The following RBFOX2 variants were observed in gnomAD, a reference collection of about 807,000 sequenced individuals.
RBFOX2 encodes RNA binding fox-1 homolog 2.
RBFOX2 carries 10 observed loss-of-function variants against 49.1 expected under a neutral mutation model. The observed-to-expected ratio is 0.20, with a 90% CI of 0.13 to 0.35. RBFOX2 has a LOEUF of 0.35. RBFOX2 is among the 10% of genes least tolerant of loss of function. RBFOX2 has a pLI of 1.00. For missense variants in RBFOX2, 323 were observed against 486.9 expected (o/e 0.66, Z 3.17); for synonymous variants, 183 against 187.4 (o/e 0.98, Z 0.19).
chr22:35,780,207 C>A (rs554538861), intron 3 of RBFOX2, among the ~76,000 whole-genome samples: 1 of 152,146 alleles, frequency 6.6e-6, no homozygotes, highest in Admixed American at 6.5e-5. Flanking sequence ...CTCTTTAGTG[C>A]GGAAAATACA....
intron 1 of RBFOX2, among the ~76,000 whole-genome samples, chr22:35,920,257 A>G (rs79988284): frequency 0.046 from 7,079 of 152,284 alleles, 528 homozygotes; most frequent in African/African-American, 0.16. Flanking sequence ...CTGGTCATGA[A>G]GGTCCTCAAT....
At position 35,777,958 on chromosome 22, in the gene RBFOX2, T is replaced by C. The variant is rs1293725016; in HGVS notation, c.453+67A>G. On this transcript the variant is annotated intron_variant, in intron 4 of 11. Transcript: ENST00000405409. ...AAAACAGCTTATGTTTTCTGAATAC[T>C]TGCTATTTAAAATAACATAAAACTC... 4.9e-6 allele frequency: 7 copies of C among 1,426,148 alleles called. No individual in the cohort carries two copies. In the Admixed American group the frequency reaches 5.9e-5, roughly 12 times the overall value. 88.3% of individuals were successfully genotyped at this position (1,426,148 alleles called of 1,614,324 possible). A position where few individuals can be genotyped will look rare whatever the true frequency, so the allele number is the denominator to read the frequency against.
chr22:35,824,714 A>G (rs1367398006), intron 1 of RBFOX2, among the ~76,000 whole-genome samples: 2 of 152,230 alleles, frequency 1.3e-5, no homozygotes, highest in Admixed American at 1.3e-4. Flanking sequence ...CAAGCCATCC[A>G]TATTTTAATA....
intron 1 of RBFOX2, chr22:35,821,873 A>G (rs969449137): frequency 9.6e-6 from 5 of 518,860 alleles, no homozygotes; most frequent in Non-Finnish European, 1.9e-5. Context: ...AACTGTTTGT[A>G]TGGCAAACTT....
At chr22:35,976,338 C>A (rs565593292) in intron 1 of RBFOX2, among the ~76,000 whole-genome samples, 1 of 144,458 alleles carries the variant, frequency 6.9e-6, no homozygotes, top group East Asian at 1.9e-4. Context: ...CCACCACCAC[C>A]CCCCCCTCTT....
intron 9 of RBFOX2, among the ~76,000 whole-genome samples, chr22:35,754,124 C>T (rs1358128804): frequency 6.9e-6 from 1 of 145,650 alleles, no homozygotes; most frequent in East Asian, 2.1e-4. Context: ...CGGAGTCTCA[C>T]TCTGTCACCC....
intron 1 of RBFOX2, among the ~76,000 whole-genome samples, chr22:35,918,547 T>C (rs1416534272): frequency 6.6e-6 from 1 of 152,178 alleles, no homozygotes; most frequent in Non-Finnish European, 1.5e-5. Flanking sequence ...ACGAATCATA[T>C]AGTAAGAAAT....
rs146159988 is a variant in RBFOX2 at position 35,882,453 on chromosome 22, G to A, written c.-34+56394C>T. On this transcript the variant is annotated intron_variant, in intron 1 of 13. Coordinates refer to the RBFOX2 transcript ENST00000359369. ...TCAGATATAATCAAATATAAACAAC[G>A]CTACTGAGTTTTGCTTTAAAGGAAA... 7.5e-4 allele frequency among the ~76,000 whole-genome samples: 115 copies of A among 152,320 alleles called. 4 individuals are homozygous for A. In the East Asian group the frequency reaches 0.021, roughly 27 times the overall value.
chr22:36,009,899 G>A (rs1181366543), intron 1 of RBFOX2, among the ~76,000 whole-genome samples: 1 of 152,124 alleles, frequency 6.6e-6, no homozygotes, highest in Non-Finnish European at 1.5e-5. Context: ...TAGGTTACCA[G>A]GTGGAATAAG....
chr22:35,967,248 A>G (rs1264820818), intron 1 of RBFOX2, among the ~76,000 whole-genome samples: 1 of 152,184 alleles, frequency 6.6e-6, no homozygotes, highest in Non-Finnish European at 1.5e-5. Context: ...TCATGAAAAC[A>G]TTCTTCTTTG....
At chr22:35,912,655 CTTT>C (rs1360233156) in intron 1 of RBFOX2, among the ~76,000 whole-genome samples, 1 of 152,144 alleles carries the variant, frequency 6.6e-6, no homozygotes, top group Non-Finnish European at 1.5e-5. Context: ...GGAAATACTT[CTTT>C]TAATTTTTTT....
chr22:35,775,372 C>T (rs1451561346), intron 4 of RBFOX2, among the ~76,000 whole-genome samples: 4 of 152,180 alleles, frequency 2.6e-5, no homozygotes, highest in Non-Finnish European at 4.4e-5. Context: ...AAAACATTTA[C>T]CAATTAGTAC....
upstream of RBFOX2, chr22:35,939,314 T>C: frequency 2.2e-6 from 1 of 450,094 alleles, no homozygotes; most frequent in Non-Finnish European, 4.5e-6. Flanking sequence ...TATTTCCAAA[T>C]GTCCCCTGGA....
intron 1 of RBFOX2, among the ~76,000 whole-genome samples, chr22:35,912,039 T>A (rs182240451): frequency 1.3e-5 from 2 of 152,300 alleles, no homozygotes; most frequent in Admixed American, 1.3e-4. Flanking sequence ...GTACTCAACG[T>A]AAAGGCCTAG....
At chr22:35,743,307 C>T (rs1202028870) in exon 12 of RBFOX2, 1 of 152,050 alleles carries the variant, frequency 6.6e-6, no homozygotes, top group African/African-American at 2.4e-5. Context: ...GTCCTAAATT[C>T]CTGAATCTTA....
intron 1 of RBFOX2, among the ~76,000 whole-genome samples, chr22:35,904,127 C>T (rs2048881214): frequency 6.6e-6 from 1 of 152,070 alleles, no homozygotes; most frequent in South Asian, 2.1e-4. Context: ...CCTCGTTCCA[C>T]CTTCATTCTT....
intron 2 of RBFOX2, among the ~76,000 whole-genome samples, chr22:35,785,222 TA>T (rs1263171311): frequency 6.6e-6 from 1 of 152,178 alleles, no homozygotes; most frequent in Non-Finnish European, 1.5e-5. Flanking sequence ...TTTATCTAAT[TA>T]TTTTTTTCAC....
At chr22:35,827,355 T>C (rs561350509) in intron 1 of RBFOX2, among the ~76,000 whole-genome samples, 7 of 152,214 alleles carry the variant, frequency 4.6e-5, no homozygotes, top group African/African-American at 9.6e-5. Context: ...TGCTTCTCCT[T>C]TTCCGCAAGA....
chr22:35,923,216 G>A (rs192639173), intron 1 of RBFOX2, among the ~76,000 whole-genome samples: 88 of 152,294 alleles, frequency 5.8e-4, no homozygotes, highest in Non-Finnish European at 1.0e-3. Context: ...GTCCAAACTG[G>A]AATTTGAACT....
Sources: gnomAD v4.1 joint callset for allele counts (sites outside exome capture counted in the v4.1 genomes callset) on GRCh38, gnomAD v4.1.1 for gene constraint, MANE v1.5 for transcripts, NCBI Gene and HGNC (gene_info 2026-07-23, HGNC 2026-07-21) for gene names.